The following FAM107A variants were observed in gnomAD, a reference collection of about 807,000 sequenced individuals.
The protein encoded by FAM107A is actin-associated protein FAM107A.
In FAM107A, 19 loss-of-function variants were observed where a neutral mutation model predicts 13.7. The ratio of observed to expected loss-of-function variants is 1.38; its 90% CI spans 0.97 to 2.03. FAM107A has a LOEUF of 2.03. Ranked by LOEUF, FAM107A falls within the 30% of genes most tolerant of loss-of-function variation. FAM107A has a pLI of 0.00. For missense variants in FAM107A, 203 were observed against 184.4 expected, an observed-to-expected ratio of 1.10 and a Z score of -0.58; for synonymous variants, 82 against 74.5, an observed-to-expected ratio of 1.10 and a Z score of -0.52.
In FAM107A at chr3:58,603,894, T is replaced by C. The variant is rs143964350; in HGVS notation, c.-69-14625A>G. 8.9e-3 allele frequency among the ~76,000 whole-genome samples: 1,356 copies of C among 152,296 alleles called. 9 individuals carry two copies. The highest frequency in any genetic ancestry group is 0.014 in the Non-Finnish European group (958 of 68,012). ...ATGGGGCTCACAGAGGTTAAGTAACTTCCTCAAGGCTCCCCAACTAGTAAC... is the reference window on the plus strand; with the variant it reads ...ATGGGGCTCACAGAGGTTAAGTAACCTCCTCAAGGCTCCCCAACTAGTAAC... On this transcript the variant is annotated intron_variant, in intron 1 of 3. Transcript: ENST00000465970.
chr3:58,589,617 T>C (rs947697272), upstream of FAM107A, among the ~76,000 whole-genome samples: 5 of 152,270 alleles, frequency 3.3e-5, no homozygotes, highest in African/African-American at 1.2e-4. Context: ...CTTACATATA[T>C]GCAGCTGTAC....
chr3:58,602,344 A>C (rs2065759969), intron 1 of FAM107A, among the ~76,000 whole-genome samples: 1 of 152,126 alleles, frequency 6.6e-6, no homozygotes, highest in Non-Finnish European at 1.5e-5. Flanking sequence ...GAGGAAACAG[A>C]CACTCTGGTG....
chr3:58,623,416 C>T (rs750515807), intron 1 of FAM107A, among the ~76,000 whole-genome samples: 32 of 152,280 alleles, frequency 2.1e-4, no homozygotes, highest in African/African-American at 2.2e-4. Flanking sequence ...GCTATGCTGC[C>T]GCCTCCTGCC....
intron 3 of FAM107A, 37 bp from the exon 4 acceptor site, chr3:58,566,732 G>T: frequency 6.6e-7 from 1 of 1,511,998 alleles, no homozygotes; most frequent in Non-Finnish European, 9.2e-7. Flanking sequence ...AGTGGGTGGA[G>T]CTAGGGGGAT....
In FAM107A at chr3:58,576,959, T is replaced by A. The variant is rs534619712; in HGVS notation, c.-6+350A>T. Among the ~76,000 whole-genome samples the A allele has an allele frequency of 1.3e-4, 20 of 152,374 alleles. No individual in the cohort carries two copies. In the East Asian group the frequency reaches 2.9e-3, roughly 22 times the overall value. On this transcript the variant is annotated intron_variant, in intron 1 of 3. Transcript: ENST00000360997. ...GCTGAAATCTGTGTTCTGTCTGTTG[T>A]GCTGAGAATTAAACCCCCATACTGT...
chr3:58,611,874 T>A (rs994214813), intron 1 of FAM107A, among the ~76,000 whole-genome samples: 5 of 152,232 alleles, frequency 3.3e-5, no homozygotes, highest in Non-Finnish European at 7.3e-5. Flanking sequence ...AATGGTAAAT[T>A]ATTTTTTGAA....
At chr3:58,608,167 C>T (rs2065813573) in intron 1 of FAM107A, among the ~76,000 whole-genome samples, 1 of 152,134 alleles carries the variant, frequency 6.6e-6, no homozygotes, top group Non-Finnish European at 1.5e-5. Context: ...CAAATGGGTG[C>T]AGACTTGGGA....
At chr3:58,592,738 A>G (rs547387142) in intron 1 of FAM107A, among the ~76,000 whole-genome samples, 1 of 152,168 alleles carries the variant, frequency 6.6e-6, no homozygotes, top group Non-Finnish European at 1.5e-5. Flanking sequence ...TCAGCCTCCA[A>G]CTTAAAAAGG....
At chr3:58,571,776 A>G (rs912955947) in intron 1 of FAM107A, among the ~76,000 whole-genome samples, 23 of 152,124 alleles carry the variant, frequency 1.5e-4, no homozygotes, top group Middle Eastern at 3.2e-3. Context: ...CCTTCCCGTG[A>G]CCTCAGCTCT....
At chr3:58,586,937 GC>G in exon 1 of FAM107A, 2 of 1,528,152 alleles carry the variant, frequency 1.3e-6, no homozygotes, top group Non-Finnish European at 1.7e-6. Flanking sequence ...TCTGCGCCAT[GC>G]CCCCGCGCCT....
intron 1 of FAM107A, among the ~76,000 whole-genome samples, chr3:58,611,509 G>T (rs1435370904): frequency 5.9e-5 from 9 of 152,214 alleles, no homozygotes; most frequent in Non-Finnish European, 1.2e-4. Context: ...TTTATGGGCA[G>T]GTCCCTGATG....
intron 1 of FAM107A, among the ~76,000 whole-genome samples, chr3:58,597,242 G>T (rs2065715097): frequency 1.3e-5 from 2 of 152,182 alleles, no homozygotes; most frequent in South Asian, 4.1e-4. Flanking sequence ...ATCATAAGTA[G>T]GTGAATGTTT....
At chr3:58,599,792 A>G (rs1276218656) in intron 1 of FAM107A, among the ~76,000 whole-genome samples, 2 of 125,422 alleles carry the variant, frequency 1.6e-5, no homozygotes, top group Non-Finnish European at 3.2e-5. Context: ...ATCTCGGCTT[A>G]CTGCAACATT....
chr3:58,575,276 A>G (rs1286230484), intron 1 of FAM107A, among the ~76,000 whole-genome samples: 1 of 152,154 alleles, frequency 6.6e-6, no homozygotes, highest in Non-Finnish European at 1.5e-5. Context: ...GAGCCTCTAT[A>G]CAGCAAGGAT....
chr3:58,598,650 A>G (rs532325679), intron 1 of FAM107A, among the ~76,000 whole-genome samples: 1 of 152,338 alleles, frequency 6.6e-6, no homozygotes, highest in East Asian at 1.9e-4. Flanking sequence ...ACTCAGTTGC[A>G]TACACATTTT....
intron 1 of FAM107A, among the ~76,000 whole-genome samples, chr3:58,610,479 C>A (rs534043145): frequency 8.5e-5 from 13 of 152,208 alleles, no homozygotes; most frequent in Non-Finnish European, 1.8e-4. Flanking sequence ...AAAGAGAAGG[C>A]TGTGGGCTCT....
rs1490759126 is a variant in FAM107A at position 58,564,913 on chromosome 3, A to C, written c.*1675T>G. ...TTACAGCCCTGTGCTGGCAGCACAC[A>C]CAGGAAAAGCACGACTTCAGTCACC... On this transcript the variant is annotated 3_prime_UTR_variant, in exon 4 of 4. Coordinates refer to ENST00000360997, the MANE Select transcript of FAM107A (RefSeq NM_001076778.3). This position sits in a 1 kb window ranked among gnomAD's most constrained non-coding sequence, Gnocchi z 5.6. The C allele has an allele frequency of 6.6e-6, 1 of 152,276 alleles. No individual in the cohort carries two copies. The highest frequency in any genetic ancestry group is 1.5e-5 in the Non-Finnish European group (1 of 68,066). 9.4% of individuals were successfully genotyped at this position (152,276 alleles called of 1,614,324 possible).
chr3:58,576,958 G>T (rs930082086), intron 1 of FAM107A, among the ~76,000 whole-genome samples: 9 of 152,258 alleles, frequency 5.9e-5, no homozygotes, highest in African/African-American at 2.2e-4. Flanking sequence ...TCTGTCTGTT[G>T]TGCTGAGAAT....
At position 58,569,737 on chromosome 3, in the gene FAM107A, G is replaced by A. The variant is rs772863622; in HGVS notation, c.124C>T (p.Arg42Trp). ...TCCCGGTGGAGCTCCTGGTGACTCC[G>A]AGAGGCCTTCACGGGGTTCAGCAGC... Reference protein sequence around the residue: ...KKLLNPVKASRSHQELHRELL... With the variant: ...KKLLNPVKASWSHQELHRELL... Residue 42 changes from arginine to tryptophan, a missense_variant, in exon 2 of 4, where the codon CGG becomes TGG. Transcript: ENST00000360997. This position sits in a 1 kb window ranked among gnomAD's most constrained non-coding sequence, Gnocchi z 5.7. 8.7e-6 allele frequency: 14 copies of A among 1,614,004 alleles called. No homozygotes were observed. The highest frequency in any genetic ancestry group is 4.5e-5 in the East Asian group (2 of 44,870).
Sources: allele counts gnomAD v4.1 joint callset (sites outside exome capture counted in the v4.1 genomes callset), GRCh38; gene constraint gnomAD v4.1.1; non-coding constraint Gnocchi (gnomAD v3.1); transcripts MANE v1.5; gene names NCBI Gene and HGNC (gene_info 2026-07-23, HGNC 2026-07-21).